NEURL1B: variants seen among roughly 807,000 people sequenced by gnomAD.
NEURL1B encodes E3 ubiquitin-protein ligase NEURL1B.
Under a neutral mutation model 37.4 loss-of-function variants are expected in NEURL1B, and 13 were observed. The ratio of observed to expected loss-of-function variants is 0.35; its 90% CI spans 0.23 to 0.55. The LOEUF is 0.55. Among genes scored for constraint, NEURL1B ranks in the 20% least tolerant of loss-of-function variants. The pLI is 0.89. For synonymous variants in NEURL1B, 432 were observed against 426.6 expected (o/e 1.01, Z -0.16); for missense variants, 790 against 879.2 (o/e 0.90, Z 1.28).
At chr5:172,669,160 G>C (rs1164337643) in intron 1 of NEURL1B, among the ~76,000 whole-genome samples, 1 of 152,198 alleles carries the variant, frequency 6.6e-6, no homozygotes, top group Non-Finnish European at 1.5e-5. Flanking sequence ...GCAGCTGTGT[G>C]AGTGGAGTCA....
At position 172,669,788 on chromosome 5, in the gene NEURL1B, C is replaced by T; in HGVS notation, c.35C>T (p.Pro12Leu). ...TGCTGCCTGTGTCTTTCCGCAGACC[C>T]GAGCCCACCGGCGCGCCTCCTGGCC... Reference protein sequence around the residue: ...GNTVHRTLPDPSPPARLLATR... With the variant: ...GNTVHRTLPDLSPPARLLATR... The change falls in exon 2 of 5, where the codon CCG (proline) becomes CTG (leucine). Residue 12 changes from proline (P) to leucine (L), a missense_variant. Coordinates refer to ENST00000369800, the MANE Select transcript of NEURL1B (RefSeq NM_001142651.3). 1 of 1,266,054 alleles carries T rather than the reference C, an allele frequency of 7.9e-7. No homozygotes were observed. The allele number at this position is 1,266,054 out of a possible 1,614,324, so 78.4% of individuals were successfully genotyped here. A position where few individuals can be genotyped will look rare whatever the true frequency, so the allele number is the denominator to read the frequency against.
chr5:172,644,942 C>T (rs1239949522), intron 1 of NEURL1B, among the ~76,000 whole-genome samples: 3 of 152,148 alleles, frequency 2.0e-5, no homozygotes, highest in Non-Finnish European at 2.9e-5. Context: ...CCTTCCTTCT[C>T]GCCTCTTGGG....
chr5:172,644,489 A>G (rs942264601), intron 1 of NEURL1B, among the ~76,000 whole-genome samples: 1 of 152,222 alleles, frequency 6.6e-6, no homozygotes, highest in African/African-American at 2.4e-5. Context: ...TGCCAAAGAA[A>G]GGGAAGGTTG....
In NEURL1B at chr5:172,687,124, C is replaced by A; in HGVS notation, c.*199C>A. 4.9e-6 allele frequency: 3 copies of A among 613,190 alleles called. No homozygotes were observed. In the South Asian group the frequency reaches 6.6e-5, roughly 14 times the overall value. The allele number at this position is 613,190 out of a possible 1,614,324, so 38.0% of individuals were successfully genotyped here. A position where few individuals can be genotyped will look rare whatever the true frequency, so the allele number is the denominator to read the frequency against. On this transcript the variant is annotated 3_prime_UTR_variant, in exon 5 of 5. Transcript: ENST00000369800. Reference sequence around the variant, plus strand: ...GCTTCTGGCTCCAAAGTGCTTTGCCCCCAAAAGGCCGTCCCAAGAGCAAGC... The same window carrying A: ...GCTTCTGGCTCCAAAGTGCTTTGCCACCAAAAGGCCGTCCCAAGAGCAAGC...
intron 1 of NEURL1B, among the ~76,000 whole-genome samples, chr5:172,643,111 AC>A (rs1432315937): frequency 4.0e-5 from 6 of 151,304 alleles, no homozygotes; most frequent in Admixed American, 3.9e-4. Flanking sequence ...ATCCCTCTCA[AC>A]TCTCTCTCTG....
intron 1 of NEURL1B, among the ~76,000 whole-genome samples, chr5:172,652,300 A>G (rs1305677314): frequency 1.3e-5 from 2 of 152,230 alleles, no homozygotes; most frequent in Non-Finnish European, 2.9e-5. Context: ...CACCTGGTCG[A>G]CTGGAAGACC....
intron 1 of NEURL1B, among the ~76,000 whole-genome samples, chr5:172,664,062 G>A (rs188636363): frequency 6.6e-4 from 100 of 152,052 alleles, no homozygotes; most frequent in African/African-American, 2.1e-3. Flanking sequence ...AAATGCTTTC[G>A]ATGTAATGTT....
intron 1 of NEURL1B, among the ~76,000 whole-genome samples, chr5:172,651,831 A>G (rs56748821): frequency 3.3e-5 from 5 of 152,228 alleles, no homozygotes; most frequent in Admixed American, 1.3e-4. Flanking sequence ...TGGGACTCCA[A>G]TTGCATCTAA....
chr5:172,679,746 C>T (rs1252876234), intron 2 of NEURL1B, among the ~76,000 whole-genome samples: 1 of 152,254 alleles, frequency 6.6e-6, no homozygotes, highest in Non-Finnish European at 1.5e-5. Context: ...ACCTCAGTGC[C>T]TTCACATGTG....
chr5:172,652,211 G>A (rs1005645843), intron 1 of NEURL1B, among the ~76,000 whole-genome samples: 2 of 152,216 alleles, frequency 1.3e-5, no homozygotes, highest in South Asian at 4.1e-4. Flanking sequence ...CTGGACTTGG[G>A]GATATAGCAG....
chr5:172,681,129 G>A (rs557338956), intron 2 of NEURL1B, among the ~76,000 whole-genome samples: 24 of 152,110 alleles, frequency 1.6e-4, no homozygotes, highest in Non-Finnish European at 3.1e-4. Flanking sequence ...GTGAGAACTC[G>A]CTATCATGAG....
intron 2 of NEURL1B, among the ~76,000 whole-genome samples, chr5:172,678,998 GCCT>G (rs1367468785): frequency 1.3e-5 from 2 of 152,242 alleles, no homozygotes; most frequent in Non-Finnish European, 2.9e-5. Context: ...GCCTGTCCCA[GCCT>G]CCTCGTACCT....
chr5:172,690,198 T>G lies in NEURL1B; in HGVS notation c.*3273T>G, dbSNP rs183684143. ...GTCTTGTGCCCATTCATTCGGAGAC[T>G]CCTGAAAAACTGGGCTGTTTGCAAA... On this transcript the variant is annotated 3_prime_UTR_variant, in exon 5 of 5. Coordinates refer to ENST00000369800, the MANE Select transcript of NEURL1B (RefSeq NM_001142651.3). The G allele has an allele frequency of 1.3e-5, 2 of 152,344 alleles. No homozygotes were observed. The highest frequency in any genetic ancestry group is 2.4e-5 in the African/African-American group (1 of 41,570). The allele number at this position is 152,344 out of a possible 1,614,324, so 9.4% of individuals were successfully genotyped here. A position where few individuals can be genotyped will look rare whatever the true frequency, so the allele number is the denominator to read the frequency against.
intron 1 of NEURL1B, among the ~76,000 whole-genome samples, chr5:172,646,338 C>T (rs1757559090): frequency 6.6e-6 from 1 of 152,170 alleles, no homozygotes. Context: ...TCAACAAATG[C>T]CCAGGATGGT....
In NEURL1B at chr5:172,690,312, A is replaced by C. The variant is rs11538659; in HGVS notation, c.*3387A>C. On this transcript the variant is annotated 3_prime_UTR_variant, in exon 5 of 5. Transcript: ENST00000369800. ...CCCCTCACGGCAGCACCACGTTTCC[A>C]GTCCCTCGATGCCACTAATCAGCAT... 15,247 of 152,296 alleles carry C rather than the reference A, an allele frequency of 0.1. 832 individuals are homozygous for C. The highest frequency in any genetic ancestry group is 0.13 in the African/African-American group (5,470 of 41,548). 9.4% of individuals were successfully genotyped at this position (152,296 alleles called of 1,614,324 possible).
intron 1 of NEURL1B, among the ~76,000 whole-genome samples, chr5:172,664,927 C>T (rs1040410398): frequency 3.3e-5 from 5 of 152,120 alleles, no homozygotes; most frequent in African/African-American, 4.8e-5. Flanking sequence ...GTTACTTGGC[C>T]GCATTTTATC....
At chr5:172,651,368 C>G (rs1343579454) in intron 1 of NEURL1B, among the ~76,000 whole-genome samples, 1 of 152,206 alleles carries the variant, frequency 6.6e-6, no homozygotes, top group Non-Finnish European at 1.5e-5. Flanking sequence ...GTGCACCTAT[C>G]ATGGCTGCGA....
At chr5:172,666,532 A>C (rs1451395838) in intron 1 of NEURL1B, among the ~76,000 whole-genome samples, 1 of 152,212 alleles carries the variant, frequency 6.6e-6, no homozygotes, top group African/African-American at 2.4e-5. Flanking sequence ...AAAAATCTGC[A>C]GTCATCTGAT....
intron 3 of NEURL1B, 37 bp downstream of exon 3, chr5:172,684,175 CTCCCCCG>C: frequency 9.1e-6 from 11 of 1,208,704 alleles, no homozygotes; most frequent in Non-Finnish European, 1.1e-5. Context: ...GGCCCCGCCC[CTCCCCCG>C]TCCCGTGCCG....
Sources: allele counts gnomAD v4.1 joint callset (sites outside exome capture counted in the v4.1 genomes callset), GRCh38; gene constraint gnomAD v4.1.1; transcripts MANE v1.5; gene names NCBI Gene and HGNC (gene_info 2026-07-23, HGNC 2026-07-21).